The following NCOA1 variants were observed in gnomAD, a reference collection of about 807,000 sequenced individuals.
NCOA1 encodes Hin-2 protein.
NCOA1 carries 35 observed loss-of-function variants against 150.9 expected under a neutral mutation model. That is an observed-to-expected ratio of 0.23 (90% CI 0.18 to 0.31). The LOEUF (loss-of-function observed/expected upper bound fraction) is 0.31, where lower values mean the gene tolerates loss of function less well. Ranked by LOEUF, NCOA1 falls within the 10% of genes least tolerant of loss-of-function variation. The pLI is 1.00. For missense variants in NCOA1, 1,491 were observed against 1,749.3 expected, an observed-to-expected ratio of 0.85 and a Z score of 2.63; for synonymous variants, 590 against 630.0, an observed-to-expected ratio of 0.94 and a Z score of 0.95.
intron 3 of NCOA1, among the ~76,000 whole-genome samples, chr2:24,640,012 T>C (rs2148453883): frequency 6.8e-6 from 1 of 146,780 alleles, no homozygotes; most frequent in South Asian, 2.2e-4. Context: ...CAACAGATTT[T>C]GATGTCTTAT....
chr2:24,728,495 A>T lies in NCOA1; in HGVS notation c.2886+19A>T. Reference sequence around the variant, plus strand: ...TGTTCAGGTATTTATTAAAGTCAACATTATTTAACTGATGGAGCCCTAAGA... The same window carrying T: ...TGTTCAGGTATTTATTAAAGTCAACTTTATTTAACTGATGGAGCCCTAAGA... On this transcript the variant is annotated intron_variant, in intron 16 of 22. Coordinates refer to ENST00000348332, the MANE Select transcript of NCOA1 (RefSeq NM_003743.5). 1 of 1,601,456 alleles carries T rather than the reference A, an allele frequency of 6.2e-7. No individual in the cohort carries two copies. The highest frequency in any genetic ancestry group is 1.1e-5 in the South Asian group (1 of 89,540).
chr2:24,765,845 G>T (rs1665033010), intron 22 of NCOA1, among the ~76,000 whole-genome samples: 1 of 151,402 alleles, frequency 6.6e-6, no homozygotes, highest in South Asian at 2.1e-4. Flanking sequence ...GTTTGAAATG[G>T]GTTTTAGAGT....
At chr2:24,653,990 G>A (rs889289458) in intron 4 of NCOA1, among the ~76,000 whole-genome samples, 21 of 151,758 alleles carry the variant, frequency 1.4e-4, no homozygotes, top group Non-Finnish European at 2.8e-4. Flanking sequence ...TTTCATTTTT[G>A]TATTACTAAA....
chr2:24,683,210 T>TAAC, intron 8 of NCOA1, 82 bp downstream of exon 8: 1 of 805,910 alleles, frequency 1.2e-6, no homozygotes, highest in Non-Finnish European at 1.7e-6. Flanking sequence ...GTGATTATTA[T>TAAC]ATTTATAATA....
chr2:24,494,752 CTG>C (rs1339238896), intron 1 of NCOA1, among the ~76,000 whole-genome samples: 5 of 152,136 alleles, frequency 3.3e-5, no homozygotes, highest in East Asian at 3.9e-4. Context: ...TGTCAGAACA[CTG>C]TATCTGATCT....
At position 24,739,414 on chromosome 2, in the gene NCOA1, G is replaced by A; in HGVS notation, c.3202-18G>A. ...CTTGTGTGTAGAAATATATCTTATT[G>A]TTTCCATTTTTCTCTAGTTGATACA... On this transcript the variant is annotated intron_variant, in intron 17 of 22. Coordinates refer to ENST00000348332, the MANE Select transcript of NCOA1 (RefSeq NM_003743.5). 2 of 1,548,870 alleles carry A rather than the reference G, an allele frequency of 1.3e-6. No individual in the cohort carries two copies. Among genetic ancestry groups the A allele is most frequent in the Non-Finnish European group, 1.8e-6 (2 of 1,121,250 alleles).
chr2:24,519,522 A>G (rs1558760844), intron 1 of NCOA1, among the ~76,000 whole-genome samples: 1 of 152,076 alleles, frequency 6.6e-6, no homozygotes, highest in Non-Finnish European at 1.5e-5. Context: ...CACTGTAACT[A>G]TTAAAAAGAA....
Position 24,707,900 on chromosome 2 carries a change from C to G in NCOA1, c.2418+12C>G, listed in dbSNP as rs751489869. 6.4e-7 allele frequency: 1 copy of G among 1,570,520 alleles called. No individual in the cohort carries two copies. Among genetic ancestry groups the G allele is most frequent in the Non-Finnish European group, 8.6e-7 (1 of 1,165,882 alleles). On this transcript the variant is annotated intron_variant, in intron 13 of 22. Coordinates refer to ENST00000348332, the MANE Select transcript of NCOA1 (RefSeq NM_003743.5). ...AGGCCCAGAGCCAGGTGGGTAACTG[C>G]TTGCTTCACAGAATGGTCATTCTTA...
intron 1 of NCOA1, among the ~76,000 whole-genome samples, chr2:24,558,879 T>A (rs1270869002): frequency 6.6e-6 from 1 of 152,126 alleles, no homozygotes; most frequent in Non-Finnish European, 1.5e-5. Flanking sequence ...CAGGGCTTGA[T>A]CTCGTTGGAT....
intron 4 of NCOA1, among the ~76,000 whole-genome samples, chr2:24,656,834 T>C (rs1053724256): frequency 6.6e-6 from 1 of 152,202 alleles, no homozygotes; most frequent in Admixed American, 6.5e-5. Context: ...TCACTGTGTA[T>C]ATATACCACA....
At chr2:24,700,143 C>CCAA (rs149322712) in intron 11 of NCOA1, among the ~76,000 whole-genome samples, 1 of 143,098 alleles carries the variant, frequency 7.0e-6, no homozygotes, top group Non-Finnish European at 1.5e-5. Context: ...AACTTCATCG[C>CCAA]TAATAATAAT....
intron 20 of NCOA1, 99 bp from the exon 21 acceptor site, chr2:24,757,874 T>A: frequency 8.9e-7 from 1 of 1,122,916 alleles, no homozygotes. Flanking sequence ...ATACATGCAA[T>A]TTAAGGATGT....
chr2:24,604,948 A>G (rs528865667), intron 3 of NCOA1, among the ~76,000 whole-genome samples: 1 of 152,322 alleles, frequency 6.6e-6, no homozygotes, highest in South Asian at 2.1e-4. Flanking sequence ...TCACTTGAAC[A>G]GTTAAAGGCT....
intron 1 of NCOA1, among the ~76,000 whole-genome samples, chr2:24,543,515 T>C (rs150815885): frequency 6.6e-6 from 1 of 152,086 alleles, no homozygotes; most frequent in South Asian, 2.1e-4. Context: ...TCAGATTGAG[T>C]TTCTAGTCTA....
intron 17 of NCOA1, among the ~76,000 whole-genome samples, chr2:24,731,907 C>T (rs1273637732): frequency 6.6e-6 from 1 of 152,118 alleles, no homozygotes. Flanking sequence ...ACTACAAGAC[C>T]TGAAAACCAT....
intron 8 of NCOA1, among the ~76,000 whole-genome samples, chr2:24,684,932 T>G (rs1672334982): frequency 1.3e-5 from 2 of 152,114 alleles, no homozygotes; most frequent in South Asian, 4.1e-4. Context: ...GTACCTATAT[T>G]TAAACCTTTA....
At chr2:24,668,848 G>A (rs894438141) in intron 6 of NCOA1, among the ~76,000 whole-genome samples, 19 of 151,778 alleles carry the variant, frequency 1.3e-4, no homozygotes, top group Admixed American at 4.6e-4. Flanking sequence ...TGACTGAATC[G>A]AGATGAATTT....
chr2:24,725,534 A>T (rs928762245), intron 14 of NCOA1, among the ~76,000 whole-genome samples: 1 of 152,136 alleles, frequency 6.6e-6, no homozygotes, highest in Non-Finnish European at 1.5e-5. Context: ...CCCTGTCTCC[A>T]AATATAGTCA....
At chr2:24,625,402 G>C (rs1278078130) in intron 3 of NCOA1, among the ~76,000 whole-genome samples, 1 of 150,280 alleles carries the variant, frequency 6.7e-6, no homozygotes, top group Non-Finnish European at 1.5e-5. Context: ...GGAAAGGTGA[G>C]AATGTGTTCA....
Sources: allele counts gnomAD v4.1 joint callset (sites outside exome capture counted in the v4.1 genomes callset), GRCh38; gene constraint gnomAD v4.1.1; transcripts MANE v1.5; gene names NCBI Gene and HGNC (gene_info 2026-07-23, HGNC 2026-07-21).